CEP290: variants seen among roughly 807,000 people sequenced by gnomAD.
The protein encoded by CEP290 is centrosomal protein 290, also known as centrosomal protein of 290 kDa.
CEP290 carries 317 observed loss-of-function variants against 344.9 expected under a neutral mutation model. The ratio of observed to expected loss-of-function variants is 0.92; its 90% CI spans 0.84 to 1.01. The LOEUF is 1.01. CEP290 is among the 50% of genes least tolerant of loss of function. The pLI is 0.00. For missense variants in CEP290, 2,754 were observed against 2,761.4 expected, an observed-to-expected ratio of 1.00 and a Z score of 0.06; for synonymous variants, 932 against 895.8, an observed-to-expected ratio of 1.04 and a Z score of -0.72.
At chr12:88,069,254 A>G (rs2035182920) in intron 43 of CEP290, among the ~76,000 whole-genome samples, 1 of 152,120 alleles carries the variant, frequency 6.6e-6, no homozygotes, top group African/African-American at 2.4e-5. Context: ...CCTCTTTGAT[A>G]TGCCCCTCCT....
rs1037874269 is a variant in CEP290, at chr12:88,136,513, A to T, written c.441+130T>A. On this transcript the variant is annotated intron_variant, in intron 6 of 53. Coordinates refer to ENST00000552810, the MANE Select transcript of CEP290 (RefSeq NM_025114.4). ...GATGACAAAATGAACAGTGATATAA[A>T]ACCTTAGAGATAAGTGTACATCATT... The T allele has an allele frequency of 5.9e-5, 52 of 880,796 alleles. No homozygotes were observed. In the Admixed American group the frequency reaches 1.2e-3, roughly 21 times the overall value. 54.6% of individuals were successfully genotyped at this position (880,796 alleles called of 1,614,324 possible). A position where few individuals can be genotyped will look rare whatever the true frequency, so the allele number is the denominator to read the frequency against.
intron 48 of CEP290, among the ~76,000 whole-genome samples, 172 bp downstream of exon 48, chr12:88,059,726 T>C (rs2034315119): frequency 6.6e-6 from 1 of 152,152 alleles, no homozygotes; most frequent in Non-Finnish European, 1.5e-5. Context: ...TAACTTTTAT[T>C]ATCAATGTTT....
chr12:88,053,160 A>G (rs1181134982), intron 52 of CEP290, among the ~76,000 whole-genome samples: 1 of 152,172 alleles, frequency 6.6e-6, no homozygotes, highest in Non-Finnish European at 1.5e-5. Flanking sequence ...TGTGATATAT[A>G]TGTATACAAA....
chr12:88,121,955 T>G (rs1207035277), intron 13 of CEP290, among the ~76,000 whole-genome samples: 1 of 152,198 alleles, frequency 6.6e-6, no homozygotes, highest in Non-Finnish European at 1.5e-5. Flanking sequence ...ACTTGTAATA[T>G]CTTACTAAAT....
chr12:88,086,232 AT>A, intron 33 of CEP290, 59 bp from the exon 34 acceptor site: 2 of 1,576,750 alleles, frequency 1.3e-6, no homozygotes, highest in South Asian at 1.2e-5. Flanking sequence ...GTAACTATTA[AT>A]TTTTACAGCT....
intron 10 of CEP290, among the ~76,000 whole-genome samples, 179 bp downstream of exon 10, chr12:88,129,515 G>A (rs186918137): frequency 7.9e-5 from 12 of 151,942 alleles, no homozygotes; most frequent in Admixed American, 6.6e-4. Context: ...AAAAATTAGT[G>A]TTTGTGAGGT....
chr12:88,065,280 C>T (rs1160496262), intron 44 of CEP290, among the ~76,000 whole-genome samples: 3 of 151,858 alleles, frequency 2.0e-5, no homozygotes, highest in Non-Finnish European at 2.9e-5. Context: ...TATAAAATAC[C>T]TATTATACAC....
chr12:88,100,651 G>A (rs541810435), intron 26 of CEP290, among the ~76,000 whole-genome samples: 2 of 152,214 alleles, frequency 1.3e-5, no homozygotes, highest in Admixed American at 6.5e-5. Context: ...AAGGAAGACA[G>A]ATATGTAAAC....
At chr12:88,074,011 G>A (rs573550899) in intron 41 of CEP290, among the ~76,000 whole-genome samples, 12 of 152,058 alleles carry the variant, frequency 7.9e-5, no homozygotes, top group Non-Finnish European at 1.6e-4. Context: ...GATCACCTGA[G>A]GTCAGGAGTT....
At chr12:88,065,856 T>C (rs1246244523) in intron 44 of CEP290, among the ~76,000 whole-genome samples, 1 of 152,196 alleles carries the variant, frequency 6.6e-6, no homozygotes, top group Non-Finnish European at 1.5e-5. Flanking sequence ...GTTGAGATAG[T>C]CCAAATTTCT....
Position 88,141,985 on chromosome 12 carries a change from T to C in CEP290, c.-113A>G, listed in dbSNP as rs112686850. ...GGCCGCGGGCCCTGACAGATCCCTA[T>C]CGCGGTTCCACGCGGACTCTGGGTC... On this transcript the variant is annotated 5_prime_UTR_variant, in exon 1 of 54. Coordinates refer to ENST00000552810, the MANE Select transcript of CEP290 (RefSeq NM_025114.4). 2.0e-5 allele frequency: 3 copies of C among 152,188 alleles called. No individual in the cohort carries two copies. Among genetic ancestry groups the C allele is most frequent in the South Asian group, 4.1e-4 (2 of 4,830 alleles). 9.4% of individuals were successfully genotyped at this position (152,188 alleles called of 1,614,324 possible).
chr12:88,050,708 G>A (rs1397590388), intron 52 of CEP290, among the ~76,000 whole-genome samples: 2 of 152,062 alleles, frequency 1.3e-5, no homozygotes, highest in African/African-American at 4.8e-5. Flanking sequence ...AATTTTACAT[G>A]GAAAAAATCC....
Position 88,136,711 on chromosome 12 carries a change from C to T in CEP290, c.373G>A (p.Glu125Lys). ...NEICQLEKQL[E>K]QKDRELEDME... ...TCCTCCAATTCTCTATCTTTTTGTT[C>T]TAATTGTTTTTCAAGTTGGCAAATT... Residue 125 changes from glutamate (E) to lysine (K), a missense_variant, in exon 6 of 54, where the codon GAA (glutamate) becomes AAA (lysine). Transcript: ENST00000552810. 2 of 1,613,586 alleles carry T rather than the reference C, an allele frequency of 1.2e-6. No homozygotes were observed. Among genetic ancestry groups the T allele is most frequent in the Middle Eastern group, 3.3e-4 (2 of 6,060 alleles).
At position 88,084,834 on chromosome 12, in the gene CEP290, ATTCT is replaced by A. The variant is rs780624853; in HGVS notation, c.4452_4455del (p.Lys1484AsnfsTer4). The A allele has an allele frequency of 1.7e-5, 26 of 1,569,994 alleles. No individual in the cohort carries two copies. Among genetic ancestry groups the A allele is most frequent in the Non-Finnish European group, 2.2e-5 (26 of 1,162,636 alleles). The stretch of plus-strand genomic sequence containing the variant: ...TTTTGTTCTGCTAACCTTAAAGCAG[ATTCT>A]TTCTCTTTTAGTTTCTGCAATGATT... On this transcript the variant is annotated frameshift_variant, in exon 35 of 54. Coordinates refer to ENST00000552810, the MANE Select transcript of CEP290 (RefSeq NM_025114.4). LOFTEE classifies it high-confidence loss of function.
chr12:88,109,261 T>C, intron 22 of CEP290, 80 bp from the exon 23 acceptor site: 1 of 572,162 alleles, frequency 1.7e-6, no homozygotes, highest in African/African-American at 2.0e-5. Context: ...AAATTCATAT[T>C]CTGACAACAT....
intron 20 of CEP290, among the ~76,000 whole-genome samples, chr12:88,113,854 A>G (rs946519484): frequency 1.3e-5 from 2 of 152,006 alleles, no homozygotes; most frequent in African/African-American, 4.8e-5. Flanking sequence ...TTCCTAAGAG[A>G]TCTACACTCC....
chr12:88,049,310 A>ATTC lies in CEP290; in HGVS notation c.7311_7313dup (p.Lys2437dup), dbSNP rs768777116. ...TTTTTACCTTCTCTTCTAAGAGAAT[A>ATTC]TTCTTCTTCACTTCTTCCTTGTAAT... On this transcript the variant is annotated inframe_insertion, in exon 54 of 54. Transcript: ENST00000552810. 1 of 1,549,160 alleles carries ATTC rather than the reference A, an allele frequency of 6.5e-7. No homozygotes were observed. The highest frequency in any genetic ancestry group is 1.9e-4 in the Middle Eastern group (1 of 5,266).
chr12:88,091,238 G>A (rs1332652494), intron 29 of CEP290, among the ~76,000 whole-genome samples: 4 of 151,972 alleles, frequency 2.6e-5, no homozygotes, highest in African/African-American at 9.7e-5. Context: ...GAATATGCTA[G>A]GATAAGGTAT....
rs2136913105 is a variant in CEP290 at position 88,068,620 on chromosome 12, A to C, written c.6037T>G (p.Ser2013Ala). Reference sequence around the variant, plus strand: ...TGTAAATGTAAATCTTCTACAACAGAATCTCGAGGAAGAGCTTGGTGGGCC... The same window carrying C: ...TGTAAATGTAAATCTTCTACAACAGCATCTCGAGGAAGAGCTTGGTGGGCC... The part of the protein sequence containing the change: ...MRAHQALPRD[S>A]VVEDLHLQNR... Residue 2013 changes from serine (S) to alanine (A), a missense_variant, in exon 44 of 54, where the codon TCT becomes GCT. Physicochemically the swap from Ser to Ala is moderately conservative, Grantham distance 99 (BLOSUM62 1). Coordinates refer to ENST00000552810, the MANE Select transcript of CEP290 (RefSeq NM_025114.4). 13 of 1,594,384 alleles carry C rather than the reference A, an allele frequency of 8.2e-6. No homozygotes were observed. The highest frequency in any genetic ancestry group is 1.1e-5 in the Non-Finnish European group (13 of 1,173,676).
Sources: gnomAD v4.1 joint callset for allele counts (sites outside exome capture counted in the v4.1 genomes callset) on GRCh38, gnomAD v4.1.1 for gene constraint, MANE v1.5 for transcripts, NCBI Gene and HGNC (gene_info 2026-07-23, HGNC 2026-07-21) for gene names.